FAM135B: variants seen among roughly 807,000 people sequenced by gnomAD.
The protein encoded by FAM135B is family with sequence similarity 135 member B, also known as protein FAM135B.
A neutral mutation model predicts 127.7 loss-of-function variants in FAM135B; 43 were observed. That is an observed-to-expected ratio of 0.34 (90% CI 0.26 to 0.43). FAM135B has a LOEUF of 0.43. Among genes scored for constraint, FAM135B ranks in the 20% least tolerant of loss-of-function variants. The pLI is 1.00. For missense variants in FAM135B, 1,558 were observed against 1,725.6 expected (o/e 0.90, Z 1.72); for synonymous variants, 670 against 665.1 (o/e 1.01, Z -0.11).
chr8:138,276,544 C>T (rs1017418253), intron 3 of FAM135B, among the ~76,000 whole-genome samples: 9 of 151,926 alleles, frequency 5.9e-5, no homozygotes, highest in African/African-American at 2.2e-4. Context: ...GGCCTGCCCA[C>T]TCCAGAGGCT....
chr8:138,278,146 A>C (rs1823974560), intron 3 of FAM135B, among the ~76,000 whole-genome samples: 1 of 151,996 alleles, frequency 6.6e-6, no homozygotes, highest in African/African-American at 2.4e-5. Context: ...AAATGAGCAT[A>C]GGAGAACAGG....
intron 1 of FAM135B, among the ~76,000 whole-genome samples, chr8:138,395,560 G>A (rs1832802053): frequency 6.6e-6 from 1 of 152,174 alleles, no homozygotes; most frequent in Non-Finnish European, 1.5e-5. Context: ...ACTGTGCAAA[G>A]ATGGGATTAA....
intron 1 of FAM135B, among the ~76,000 whole-genome samples, chr8:138,427,461 TAA>T (rs1462382599): frequency 2.6e-5 from 4 of 152,000 alleles, no homozygotes; most frequent in African/African-American, 4.8e-5. Context: ...TTCAAAAATA[TAA>T]GTTAAGTTTT....
chr8:138,387,433 G>C (rs754470013), intron 1 of FAM135B, among the ~76,000 whole-genome samples: 8 of 152,156 alleles, frequency 5.3e-5, no homozygotes, highest in Non-Finnish European at 1.0e-4. Flanking sequence ...ATGCAGTTCA[G>C]ATAAGCCCAC....
intron 7 of FAM135B, among the ~76,000 whole-genome samples, chr8:138,229,262 G>A (rs561472240): frequency 6.6e-6 from 1 of 152,236 alleles, no homozygotes; most frequent in South Asian, 2.1e-4. Flanking sequence ...TAGAACCTGA[G>A]TCTGAAGGAC....
At chr8:138,427,088 A>C (rs894698685) in intron 1 of FAM135B, among the ~76,000 whole-genome samples, 1 of 151,984 alleles carries the variant, frequency 6.6e-6, no homozygotes, top group African/African-American at 2.4e-5. Context: ...AACCTGTTCA[A>C]AAATAGTCAA....
intron 17 of FAM135B, among the ~76,000 whole-genome samples, chr8:138,140,964 C>CT (rs1486802728): frequency 1.3e-5 from 2 of 152,078 alleles, no homozygotes; most frequent in African/African-American, 4.8e-5. Context: ...GAGACATTGC[C>CT]TTTTTTTCAC....
chr8:138,206,341 C>G (rs73437643), intron 7 of FAM135B, among the ~76,000 whole-genome samples: 178 of 13,056 alleles, frequency 0.014, no homozygotes, highest in Middle Eastern at 0.033. Context: ...CTCCACCTAC[C>G]CACAACTCCA....
At chr8:138,329,090 C>T (rs572586048) in intron 2 of FAM135B, among the ~76,000 whole-genome samples, 1 of 152,132 alleles carries the variant, frequency 6.6e-6, no homozygotes, top group African/African-American at 2.4e-5. Context: ...CATAAACAAA[C>T]AGCCACATAG....
intron 1 of FAM135B, among the ~76,000 whole-genome samples, chr8:138,399,351 A>G (rs4243892): frequency 0.61 from 92,324 of 152,120 alleles, 30,344 homozygotes; most frequent in African/African-American, 0.87. Context: ...CCAGCTATTC[A>G]GCAGAGCAGT....
chr8:138,425,958 G>T (rs1490633457), intron 1 of FAM135B, among the ~76,000 whole-genome samples: 1 of 115,222 alleles, frequency 8.7e-6, no homozygotes, highest in South Asian at 4.1e-4. Flanking sequence ...AGACCAGCCA[G>T]GCCAACATAT....
rs974553799 is a variant in FAM135B at position 138,130,752 on chromosome 8, CT to C, written c.*1840del. ...TGCTGCACGACTAGGGAACAAATGT[CT>C]CCCAGGTTACAGAGCAAATACAGCA... is the stretch of plus-strand genomic sequence containing the variant. On this transcript the variant is annotated 3_prime_UTR_variant, in exon 20 of 20. Coordinates refer to ENST00000395297, the MANE Select transcript of FAM135B (RefSeq NM_015912.4). The C allele has an allele frequency of 2.0e-4, 30 of 152,200 alleles. No homozygotes were observed. The highest frequency in any genetic ancestry group is 6.5e-4 in the African/African-American group (27 of 41,446). 9.4% of individuals were successfully genotyped at this position (152,200 alleles called of 1,614,324 possible). A position where few individuals can be genotyped will look rare whatever the true frequency, so the allele number is the denominator to read the frequency against.
chr8:138,172,476 C>T (rs1820549489), intron 11 of FAM135B, among the ~76,000 whole-genome samples: 1 of 152,224 alleles, frequency 6.6e-6, no homozygotes, highest in Non-Finnish European at 1.5e-5. Flanking sequence ...GAACTGTTCT[C>T]CTTTAACACC....
At chr8:138,364,399 C>G (rs1432895667) in intron 2 of FAM135B, among the ~76,000 whole-genome samples, 1 of 152,144 alleles carries the variant, frequency 6.6e-6, no homozygotes, top group Non-Finnish European at 1.5e-5. Flanking sequence ...GACATCATTA[C>G]AAAACAGTGT....
At chr8:138,444,375 T>C (rs1835982414) in intron 1 of FAM135B, among the ~76,000 whole-genome samples, 1 of 152,150 alleles carries the variant, frequency 6.6e-6, no homozygotes, top group Admixed American at 6.5e-5. Context: ...ACCACACTTA[T>C]TCCAAAATTG....
intron 1 of FAM135B, among the ~76,000 whole-genome samples, chr8:138,485,245 G>A (rs570115106): frequency 3.0e-4 from 46 of 152,240 alleles, no homozygotes; most frequent in African/African-American, 1.1e-3. Flanking sequence ...CTACTGCTCA[G>A]TGTTGTCATG....
At position 138,233,203 on chromosome 8, in the gene FAM135B, C is replaced by T. The variant is rs557345722; in HGVS notation, c.669+9739G>A. Among the ~76,000 whole-genome samples the T allele has an allele frequency of 9.2e-5, 14 of 152,272 alleles. No homozygotes were observed. The South Asian group carries it at 2.7e-3, about 29-fold the overall frequency. On this transcript the variant is annotated intron_variant, in intron 7 of 19. Coordinates refer to ENST00000395297, the MANE Select transcript of FAM135B (RefSeq NM_015912.4). The stretch of plus-strand genomic sequence containing the variant: ...TATTGCAGAGCTACAGTAATTAAAA[C>T]AGTATGGTAACAGCATAAAAGCAGA...
intron 8 of FAM135B, 81 bp downstream of exon 8, chr8:138,197,435 C>A (rs2131133935): frequency 6.6e-7 from 1 of 1,517,860 alleles, no homozygotes; most frequent in South Asian, 1.3e-5. Context: ...TTTACAAAAG[C>A]ATGCCAGCTT....
chr8:138,189,969 C>A (rs369859814), intron 9 of FAM135B, among the ~76,000 whole-genome samples: 122 of 152,254 alleles, frequency 8.0e-4, no homozygotes, highest in African/African-American at 2.7e-3. Context: ...TGCATATAGC[C>A]CCAGCAGCAC....
Sources: gnomAD v4.1 joint callset for allele counts (sites outside exome capture counted in the v4.1 genomes callset) on GRCh38, gnomAD v4.1.1 for gene constraint, MANE v1.5 for transcripts, NCBI Gene and HGNC (gene_info 2026-07-23, HGNC 2026-07-21) for gene names.